LRRC7: variants seen among roughly 807,000 people sequenced by gnomAD.
LRRC7 encodes the protein leucine-rich repeat-containing protein 7.
A neutral mutation model predicts 175.7 loss-of-function variants in LRRC7; 23 were observed. The ratio of observed to expected loss-of-function variants is 0.13; its 90% CI spans 0.09 to 0.19. LRRC7 has a LOEUF of 0.19. LRRC7 is among the 10% of genes least tolerant of loss of function. The probability of loss-of-function intolerance (pLI) is 1.00; values close to 1 mark genes in which losing one functional copy is unlikely to be tolerated. For synonymous variants in LRRC7, 685 were observed against 680.9 expected (o/e 1.01, Z -0.09); for missense variants, 1,354 against 1,904.7 (o/e 0.71, Z 5.38).
intron 8 of LRRC7, among the ~76,000 whole-genome samples, chr1:69,953,522 A>T (rs1405067237): frequency 6.6e-6 from 1 of 152,024 alleles, no homozygotes; most frequent in Non-Finnish European, 1.5e-5. Context: ...TGTTTGGTGA[A>T]TAGTGCCTAT....
chr1:69,766,454 G>T (rs1189155561), intron 3 of LRRC7, among the ~76,000 whole-genome samples: 2 of 152,164 alleles, frequency 1.3e-5, no homozygotes, highest in Non-Finnish European at 2.9e-5. Flanking sequence ...TTTTGTGTCT[G>T]AAGGGTGAAG....
chr1:69,672,494 C>T (rs888794914), intron 1 of LRRC7, among the ~76,000 whole-genome samples: 3 of 152,130 alleles, frequency 2.0e-5, no homozygotes, highest in Admixed American at 6.6e-5. Flanking sequence ...AAGCAAGTCA[C>T]TTATATTTCT....
intron 3 of LRRC7, among the ~76,000 whole-genome samples, chr1:69,778,977 C>T (rs1190810400): frequency 6.7e-6 from 1 of 149,122 alleles, no homozygotes; most frequent in Non-Finnish European, 1.5e-5. Context: ...TATATATATA[C>T]ACACACACTC....
chr1:69,572,441 AC>A (rs1310579518), intron 1 of LRRC7, among the ~76,000 whole-genome samples: 1 of 152,136 alleles, frequency 6.6e-6, no homozygotes, highest in African/African-American at 2.4e-5. Flanking sequence ...GTTTTAAAAA[AC>A]TTATTTGTGA....
intron 7 of LRRC7, among the ~76,000 whole-genome samples, chr1:69,925,486 T>G (rs1340475924): frequency 6.6e-6 from 1 of 152,172 alleles, no homozygotes; most frequent in Non-Finnish European, 1.5e-5. Context: ...GAGGCTGTTA[T>G]TGGTCTATTC....
chr1:69,724,323 C>A (rs540395793), intron 2 of LRRC7, among the ~76,000 whole-genome samples: 1 of 152,204 alleles, frequency 6.6e-6, no homozygotes, highest in African/African-American at 2.4e-5. Context: ...GACTGGGCGA[C>A]AGAACGAGAC....
At chr1:69,608,506 T>C (rs1318412829) in intron 1 of LRRC7, among the ~76,000 whole-genome samples, 2 of 152,046 alleles carry the variant, frequency 1.3e-5, no homozygotes, top group Non-Finnish European at 2.9e-5. Context: ...TGCCAGCCAG[T>C]GCAGGCAGAG....
At chr1:70,066,173 A>G (rs1661959084) in intron 23 of LRRC7, among the ~76,000 whole-genome samples, 1 of 151,946 alleles carries the variant, frequency 6.6e-6, no homozygotes, top group African/African-American at 2.4e-5. Context: ...CATTGCCATT[A>G]GAGTGCTATA....
intron 2 of LRRC7, among the ~76,000 whole-genome samples, chr1:69,695,487 G>A (rs1433216500): frequency 8.5e-5 from 13 of 152,198 alleles, no homozygotes; most frequent in Admixed American, 8.5e-4. Context: ...GTTATTTTTA[G>A]GAGACGAATT....
chr1:69,952,401 T>C (rs758698115), intron 8 of LRRC7, among the ~76,000 whole-genome samples: 1 of 152,084 alleles, frequency 6.6e-6, no homozygotes, highest in Non-Finnish European at 1.5e-5. Context: ...CATTTCCCCA[T>C]GAGAGTTCTA....
chr1:70,028,968 C>T (rs1013361461), intron 18 of LRRC7, among the ~76,000 whole-genome samples: 1 of 152,140 alleles, frequency 6.6e-6, no homozygotes. Flanking sequence ...TATGCCACCT[C>T]TACTATTTCA....
At chr1:69,758,228 CA>C (rs1670647845) in intron 2 of LRRC7, among the ~76,000 whole-genome samples, 1 of 151,962 alleles carries the variant, frequency 6.6e-6, no homozygotes, top group South Asian at 2.1e-4. Flanking sequence ...ACAATAGTTA[CA>C]AAATCTTGCG....
chr1:69,795,376 A>G (rs911266696), intron 4 of LRRC7, among the ~76,000 whole-genome samples: 1 of 47,506 alleles, frequency 2.1e-5, no homozygotes, highest in East Asian at 8.1e-4. Flanking sequence ...CACCGTCTCG[A>G]AAAAAAAAAA....
intron 7 of LRRC7, among the ~76,000 whole-genome samples, chr1:69,913,265 C>G (rs79621045): frequency 0.012 from 1,898 of 152,216 alleles, 35 homozygotes; most frequent in African/African-American, 0.043. Flanking sequence ...GGTCACATAT[C>G]CTTTTGGAAG....
At chr1:70,049,109 A>C (rs556225310) in intron 22 of LRRC7, among the ~76,000 whole-genome samples, 1 of 152,252 alleles carries the variant, frequency 6.6e-6, no homozygotes, top group South Asian at 2.1e-4. Context: ...ATTAATTATA[A>C]TTTCAGGTGA....
intron 4 of LRRC7, among the ~76,000 whole-genome samples, chr1:69,803,759 A>G (rs1177475170): frequency 6.6e-6 from 1 of 151,308 alleles, no homozygotes; most frequent in East Asian, 1.9e-4. Flanking sequence ...TAATTAGGAA[A>G]TAATCTACTT....
intron 26 of LRRC7, among the ~76,000 whole-genome samples, chr1:70,109,454 G>T (rs1665375495): frequency 6.6e-6 from 1 of 152,196 alleles, no homozygotes. Context: ...CACCCAGCAG[G>T]CCTGAGTTCA....
intron 26 of LRRC7, among the ~76,000 whole-genome samples, chr1:70,121,014 A>G (rs1167368467): frequency 6.6e-6 from 1 of 152,080 alleles, no homozygotes; most frequent in Non-Finnish European, 1.5e-5. Context: ...TACAGAGAAC[A>G]ATGTACATTT....
In LRRC7 at chr1:70,144,157, G is replaced by A. The variant is rs1667207524; in HGVS notation, c.*22270G>A. 2.0e-5 allele frequency: 3 copies of A among 152,118 alleles called. No individual in the cohort carries two copies. Among genetic ancestry groups the A allele is most frequent in the Non-Finnish European group, 2.9e-5 (2 of 68,026 alleles). The allele number at this position is 152,118 out of a possible 1,614,324, so 9.4% of individuals were successfully genotyped here. ...TTATTTTATGTACTGACACTAATTGGTAAAGGTGTACAATGTGATTAGAAT... is the reference window on the plus strand; with the variant it reads ...TTATTTTATGTACTGACACTAATTGATAAAGGTGTACAATGTGATTAGAAT... On this transcript the variant is annotated 3_prime_UTR_variant, in exon 27 of 27. Transcript: ENST00000651989.
Sources: allele counts gnomAD v4.1 joint callset (sites outside exome capture counted in the v4.1 genomes callset), GRCh38; gene constraint gnomAD v4.1.1; transcripts MANE v1.5; gene names NCBI Gene and HGNC (gene_info 2026-07-23, HGNC 2026-07-21).